LAMA1: variants seen among roughly 807,000 people sequenced by gnomAD.
The protein encoded by LAMA1 is laminin subunit alpha-1.
Under a neutral mutation model 348.7 loss-of-function variants are expected in LAMA1, and 219 were observed. The observed-to-expected ratio is 0.63, with a 90% CI of 0.56 to 0.70. LAMA1 has a LOEUF of 0.70. LAMA1 is among the 30% of genes least tolerant of loss of function. The pLI, the probability that LAMA1 is intolerant of heterozygous loss-of-function variation, is 0.00. For synonymous variants in LAMA1, 1,487 were observed against 1,491.0 expected, an observed-to-expected ratio of 1.00 and a Z score of 0.06; for missense variants, 3,744 against 3,888.0, an observed-to-expected ratio of 0.96 and a Z score of 0.99.
chr18:7,001,909 C>T, intron 30 of LAMA1, among the ~76,000 whole-genome samples: 1 of 152,144 alleles, frequency 6.6e-6, no homozygotes, highest in Non-Finnish European at 1.5e-5. Flanking sequence ...AACCCCATTC[C>T]CTTAAATGGT....
chr18:7,029,648 G>T (rs2057959530), intron 16 of LAMA1, among the ~76,000 whole-genome samples: 1 of 152,104 alleles, frequency 6.6e-6, no homozygotes, highest in African/African-American at 2.4e-5. Flanking sequence ...GTGAAGGAAT[G>T]AGACTATTCC....
chr18:7,098,735 G>C (rs1282873566), intron 1 of LAMA1, among the ~76,000 whole-genome samples: 1 of 141,130 alleles, frequency 7.1e-6, no homozygotes, highest in Non-Finnish European at 1.5e-5. Flanking sequence ...TCAGCCCCCC[G>C]CCCGGCCAGC....
At chr18:7,084,204 T>A (rs1355601854) in intron 1 of LAMA1, among the ~76,000 whole-genome samples, 1 of 151,658 alleles carries the variant, frequency 6.6e-6, no homozygotes, top group East Asian at 1.9e-4. Context: ...TTGCCCAGAC[T>A]GGTAAATAGA....
chr18:7,037,881 C>T lies in LAMA1; in HGVS notation c.1564-130G>A, dbSNP rs111658615. On this transcript the variant is annotated intron_variant, in intron 11 of 62. Coordinates refer to ENST00000389658, the MANE Select transcript of LAMA1 (RefSeq NM_005559.4). ...TTCTCTAGGGATGGCATTAACATAA[C>T]ACCTGTGGCTGCTGAACCTCATGAC... is the stretch of plus-strand genomic sequence containing the variant. 1.3e-3 allele frequency: 1,151 copies of T among 873,724 alleles called. 9 individuals carry two copies. The African/African-American group carries it at 0.014, about 10-fold the overall frequency. 54.1% of individuals were successfully genotyped at this position (873,724 alleles called of 1,614,324 possible).
At chr18:7,036,165 T>C (rs941051076) in intron 12 of LAMA1, 77 bp from the exon 13 acceptor site, 4 of 1,017,900 alleles carry the variant, frequency 3.9e-6, no homozygotes, top group Non-Finnish European at 6.2e-6. Context: ...AAGTGGTCAC[T>C]GGGATCCATC....
At chr18:6,955,563 C>T (rs2057572314) in intron 56 of LAMA1, 98 bp from the exon 57 acceptor site, 1 of 808,708 alleles carries the variant, frequency 1.2e-6, no homozygotes. Flanking sequence ...CGAAGCAATC[C>T]CATTAGAACA....
At chr18:7,046,196 G>C (rs2075423444) in intron 6 of LAMA1, 82 bp downstream of exon 6, 1 of 894,212 alleles carries the variant, frequency 1.1e-6, no homozygotes, top group South Asian at 1.4e-5. Flanking sequence ...ATGTTTGTTT[G>C]GAATAAAAAA....
intron 22 of LAMA1, among the ~76,000 whole-genome samples, chr18:7,014,501 A>T (rs552668082): frequency 6.6e-6 from 1 of 152,254 alleles, no homozygotes; most frequent in East Asian, 1.9e-4. Context: ...ACATGCCTGT[A>T]GTCCCAGCCA....
intron 32 of LAMA1, among the ~76,000 whole-genome samples, chr18:6,998,455 C>G (rs188774464): frequency 6.6e-6 from 1 of 152,152 alleles, no homozygotes; most frequent in South Asian, 2.1e-4. Flanking sequence ...TTAACTAGGA[C>G]CCACTGCACT....
chr18:7,055,478 T>A (rs867268169), intron 3 of LAMA1, among the ~76,000 whole-genome samples: 71 of 142,250 alleles, frequency 5.0e-4, no homozygotes, highest in African/African-American at 1.6e-3. Flanking sequence ...AAAAAAAAAA[T>A]TTACCCACGT....
chr18:7,026,452 G>A lies in LAMA1; in HGVS notation c.2275-346C>T, dbSNP rs1226694525. 2.0e-5 allele frequency among the ~76,000 whole-genome samples: 3 copies of A among 152,070 alleles called. No homozygotes were observed. In the East Asian group the frequency reaches 5.8e-4, roughly 30 times the overall value. On this transcript the variant is annotated intron_variant, in intron 16 of 62. Transcript: ENST00000389658. ...CTGATGAAGAGTGGGATATGCACGT[G>A]GTCTCACAGTGTCCGCCTCCAACTG...
chr18:6,980,665 T>C (rs2057707350), intron 41 of LAMA1, 28 bp from the exon 42 acceptor site: 3 of 1,468,248 alleles, frequency 2.0e-6, no homozygotes, highest in Non-Finnish European at 2.9e-6. Context: ...AATGTTTCCT[T>C]TCAGGTTAGC....
chr18:6,965,543 T>C, intron 49 of LAMA1, 111 bp from the exon 50 acceptor site: 1 of 1,299,216 alleles, frequency 7.7e-7, no homozygotes, highest in Non-Finnish European at 1.1e-6. Context: ...GAAAACTGGA[T>C]CTGGCCCCAC....
At chr18:6,960,371 A>G (rs1315023754) in intron 53 of LAMA1, 1 of 152,228 alleles carries the variant, frequency 6.6e-6, no homozygotes, top group African/African-American at 2.4e-5. Flanking sequence ...TCCATGCTCC[A>G]ATGGGGATGA....
chr18:6,991,807 T>A (rs1375833293), intron 36 of LAMA1, among the ~76,000 whole-genome samples: 2 of 152,202 alleles, frequency 1.3e-5, no homozygotes, highest in Non-Finnish European at 2.9e-5. Context: ...ATAAAACATT[T>A]GAATAAGAAG....
At position 7,034,664 on chromosome 18, in the gene LAMA1, C is replaced by T; in HGVS notation, c.1866G>A (p.Gln622=). The T allele has an allele frequency of 1.2e-6, 2 of 1,614,132 alleles. No homozygotes were observed. Among genetic ancestry groups the T allele is most frequent in the Non-Finnish European group, 1.7e-6 (2 of 1,180,000 alleles). ...AAGGCTGCAATGACAGACCCTCAGC[C>T]TGTGTGCTTAAAGTGAGTCCGTTTC... is the stretch of plus-strand genomic sequence containing the variant. ...IKGNGLTLST[Q]AEGLSLQPYE... The change falls in exon 14 of 63, where the codon CAG becomes CAA. Residue 622 remains glutamine (Q), a synonymous_variant. Transcript: ENST00000389658.
intron 1 of LAMA1, among the ~76,000 whole-genome samples, chr18:7,090,878 G>C (rs986458581): frequency 6.6e-6 from 1 of 152,194 alleles, no homozygotes; most frequent in Non-Finnish European, 1.5e-5. Flanking sequence ...ACAAGAGGGG[G>C]TGGTAAGCAG....
chr18:7,095,476 C>G (rs1405710980), intron 1 of LAMA1, among the ~76,000 whole-genome samples: 2 of 152,298 alleles, frequency 1.3e-5, no homozygotes, highest in East Asian at 3.9e-4. Flanking sequence ...CTTTCTACCC[C>G]TTCTCCTCCA....
intron 13 of LAMA1, 128 bp downstream of exon 13, chr18:7,035,859 G>T (rs548967196): frequency 2.7e-6 from 2 of 742,458 alleles, no homozygotes; most frequent in Admixed American, 4.0e-5. Flanking sequence ...CGCAAGTCCA[G>T]GGTCTACTGA....
Sources: allele counts gnomAD v4.1 joint callset (sites outside exome capture counted in the v4.1 genomes callset), GRCh38; gene constraint gnomAD v4.1.1; transcripts MANE v1.5; gene names NCBI Gene and HGNC (gene_info 2026-07-23, HGNC 2026-07-21).